The following FOXK2 variants were observed in gnomAD, a reference collection of about 807,000 sequenced individuals.
The protein encoded by FOXK2 is forkhead box K2.
Under a neutral mutation model 53.3 loss-of-function variants are expected in FOXK2, and 24 were observed. That is an observed-to-expected ratio of 0.45 (90% CI 0.33 to 0.63). The LOEUF is 0.63. Ranked by LOEUF, FOXK2 falls within the 30% of genes least tolerant of loss-of-function variation. The pLI is 0.03. For missense variants in FOXK2, 952 were observed against 910.5 expected, an observed-to-expected ratio of 1.05 and a Z score of -0.59; for synonymous variants, 505 against 407.1, an observed-to-expected ratio of 1.24 and a Z score of -2.89.
intron 1 of FOXK2, among the ~76,000 whole-genome samples, chr17:82,534,892 T>G (rs1463844187): frequency 6.6e-6 from 1 of 152,224 alleles, no homozygotes; most frequent in Non-Finnish European, 1.5e-5. Context: ...AAAACACACA[T>G]TTTTTGGGGG....
At chr17:82,533,998 C>T (rs2044497210) in intron 1 of FOXK2, among the ~76,000 whole-genome samples, 2 of 149,538 alleles carry the variant, frequency 1.3e-5, no homozygotes, top group Admixed American at 6.7e-5. Flanking sequence ...GAGACCCTGT[C>T]TCAGGTCGAT....
At chr17:82,545,616 C>G (rs1018577500) in intron 1 of FOXK2, among the ~76,000 whole-genome samples, 1 of 144,940 alleles carries the variant, frequency 6.9e-6, no homozygotes, top group Non-Finnish European at 1.5e-5. Flanking sequence ...GAGTCTTGCT[C>G]TGTCTCCCAG....
chr17:82,547,077 A>C (rs955777874), intron 1 of FOXK2, among the ~76,000 whole-genome samples: 7 of 85,646 alleles, frequency 8.2e-5, no homozygotes, highest in Non-Finnish European at 1.6e-4. Flanking sequence ...AAACTCCATC[A>C]AAAAAAAAAA....
chr17:82,573,553 C>G (rs1405440213), intron 4 of FOXK2, among the ~76,000 whole-genome samples: 1 of 107,810 alleles, frequency 9.3e-6, no homozygotes, highest in African/African-American at 3.6e-5. Context: ...CTCTCTCTCT[C>G]TCTCTCTCTC....
intron 7 of FOXK2, among the ~76,000 whole-genome samples, chr17:82,586,777 T>C (rs1267555071): frequency 2.0e-5 from 3 of 152,060 alleles, no homozygotes; most frequent in African/African-American, 7.3e-5. Flanking sequence ...GGCGGGTGCC[T>C]GTAATCCCAG....
intron 4 of FOXK2, among the ~76,000 whole-genome samples, chr17:82,581,614 T>C (rs2045061374): frequency 2.0e-5 from 3 of 152,152 alleles, no homozygotes; most frequent in East Asian, 3.9e-4. Context: ...CAACTGGGAC[T>C]ACAGGTGCCC....
intron 1 of FOXK2, among the ~76,000 whole-genome samples, chr17:82,541,374 G>T (rs779653564): frequency 1.7e-4 from 26 of 151,576 alleles, no homozygotes; most frequent in Admixed American, 7.3e-4. Flanking sequence ...CTGGGTTCAA[G>T]TGATTCTCGT....
rs527987690 is a variant in FOXK2, at chr17:82,592,253, A to G, written c.1786+4981A>G. The stretch of plus-strand genomic sequence containing the variant: ...GTTCGGGGCTGAGCTGTGTTTGGCC[A>G]GGGCCTCGCCTGCTCAGTGTGCTCC... On this transcript the variant is annotated intron_variant, in intron 8 of 8. Transcript: ENST00000335255. Among the ~76,000 whole-genome samples, 230 of 152,354 alleles carry G rather than the reference A, an allele frequency of 1.5e-3. 5 individuals carry two copies. In the South Asian group the frequency reaches 0.024, roughly 16 times the overall value.
At chr17:82,575,363 C>T (rs2044970099) in intron 4 of FOXK2, among the ~76,000 whole-genome samples, 1 of 152,142 alleles carries the variant, frequency 6.6e-6, no homozygotes, top group African/African-American at 2.4e-5. Flanking sequence ...ATTTCTAGCA[C>T]ACAGCATAAA....
intron 8 of FOXK2, among the ~76,000 whole-genome samples, chr17:82,590,506 A>G (rs796449716): frequency 1.3e-5 from 2 of 152,020 alleles, no homozygotes; most frequent in Admixed American, 1.3e-4. Flanking sequence ...CTTTGAAGAA[A>G]TTTTTTTTAA....
intron 4 of FOXK2, chr17:82,577,395 C>A (rs534103467): frequency 1.3e-4 from 65 of 485,764 alleles, no homozygotes; most frequent in Non-Finnish European, 2.2e-4. Flanking sequence ...GTGTCCATCA[C>A]TGCAGCCCCG....
chr17:82,595,775 T>A (rs1045213934), intron 8 of FOXK2: 1 of 1,289,084 alleles, frequency 7.8e-7, no homozygotes, highest in South Asian at 1.2e-5. Flanking sequence ...CCCACTCCTC[T>A]CCCCAGGGCC....
chr17:82,548,642 C>G (rs2044648922), intron 1 of FOXK2, among the ~76,000 whole-genome samples: 1 of 152,056 alleles, frequency 6.6e-6, no homozygotes, highest in East Asian at 1.9e-4. Context: ...TAATTTTTCA[C>G]TTAGAGGTGT....
intron 8 of FOXK2, among the ~76,000 whole-genome samples, chr17:82,593,028 C>T (rs567829765): frequency 6.0e-5 from 9 of 149,320 alleles, no homozygotes; most frequent in Non-Finnish European, 1.3e-4. Context: ...TGAAAGCAGA[C>T]CCCGTGAAGG....
At chr17:82,563,796 G>A (rs1378210742) in intron 2 of FOXK2, among the ~76,000 whole-genome samples, 2 of 145,116 alleles carry the variant, frequency 1.4e-5, no homozygotes, top group South Asian at 4.3e-4. Flanking sequence ...CTGTTGCCCA[G>A]GCTGGAGTGC....
At chr17:82,585,207 C>T (rs1433178989) in intron 6 of FOXK2, 1 of 152,320 alleles carries the variant, frequency 6.6e-6, no homozygotes, top group East Asian at 1.9e-4. Context: ...CTGTGACAGC[C>T]CCACTCTGTT....
intron 1 of FOXK2, among the ~76,000 whole-genome samples, chr17:82,546,328 G>A (rs1164016647): frequency 2.0e-5 from 3 of 152,010 alleles, no homozygotes; most frequent in Admixed American, 2.0e-4. Flanking sequence ...TGTTGGCCAG[G>A]CTGGTCTCAA....
intron 4 of FOXK2, chr17:82,576,659 C>G: frequency 8.6e-7 from 1 of 1,158,358 alleles, no homozygotes; most frequent in South Asian, 1.3e-5. Flanking sequence ...ATGATTGACA[C>G]AACGAAGTCA....
rs939244524 is a variant in FOXK2 at position 82,602,910 on chromosome 17, G to A, written c.*1411G>A. 3.9e-5 allele frequency: 6 copies of A among 152,314 alleles called. No individual in the cohort carries two copies. Among genetic ancestry groups the A allele is most frequent in the African/African-American group, 1.5e-4 (6 of 41,312 alleles). The allele number at this position is 152,314 out of a possible 1,614,324, so 9.4% of individuals were successfully genotyped here. A position where few individuals can be genotyped will look rare whatever the true frequency, so the allele number is the denominator to read the frequency against. On this transcript the variant is annotated 3_prime_UTR_variant, in exon 9 of 9. Transcript: ENST00000335255. ...TATTTATTTAAATGTAGTTATTTTG[G>A]TATTTAATTTTTTTTTAGAGAGGAA... is the stretch of plus-strand genomic sequence containing the variant.
Sources: gnomAD v4.1 joint callset for allele counts (sites outside exome capture counted in the v4.1 genomes callset) on GRCh38, gnomAD v4.1.1 for gene constraint, MANE v1.5 for transcripts, NCBI Gene and HGNC (gene_info 2026-07-23, HGNC 2026-07-21) for gene names.